Variants in IL6 observed in about 807,000 individuals in gnomAD.
IL6 encodes the protein interleukin 6.
In IL6, 5 loss-of-function variants were observed where a neutral mutation model predicts 18.0. The ratio of observed to expected loss-of-function variants is 0.28; its 90% CI spans 0.15 to 0.58. IL6 has a LOEUF of 0.58. IL6 is among the 20% of genes least tolerant of loss of function. The probability of loss-of-function intolerance (pLI) is 0.90; values close to 1 mark genes in which losing one functional copy is unlikely to be tolerated. For synonymous variants in IL6, 97 were observed against 95.1 expected (o/e 1.02, Z -0.12); for missense variants, 266 against 251.0 (o/e 1.06, Z -0.40).
rs1784103867 is a variant in IL6 at position 22,730,399 on chromosome 7, T to A, written c.471+739T>A. ...CGGGTGGGTTTGAGGGTCAAATTTCTACCAGGCTTATATCCCTGGTGATGC... is the reference window on the plus strand; with the variant it reads ...CGGGTGGGTTTGAGGGTCAAATTTCAACCAGGCTTATATCCCTGGTGATGC... On this transcript the variant is annotated intron_variant, in intron 4 of 4. Coordinates refer to ENST00000258743, the MANE Select transcript of IL6 (RefSeq NM_000600.5). 5 of 451,006 alleles carry A rather than the reference T, an allele frequency of 1.1e-5. No homozygotes were observed. In the South Asian group the frequency reaches 4.7e-4, roughly 42 times the overall value. 27.9% of individuals were successfully genotyped at this position (451,006 alleles called of 1,614,324 possible).
Position 22,731,734 on chromosome 7 carries a change from G to A in IL6, c.*161G>A, listed in dbSNP as rs943399314. 1.4e-5 allele frequency: 5 copies of A among 361,894 alleles called. No homozygotes were observed. The highest frequency in any genetic ancestry group is 2.4e-5 in the Non-Finnish European group (5 of 211,510). 22.4% of individuals were successfully genotyped at this position (361,894 alleles called of 1,614,324 possible). A position where few individuals can be genotyped will look rare whatever the true frequency, so the allele number is the denominator to read the frequency against. ...TTAATTTATTAATATTTAAATATGT[G>A]AAGCTGAGTTAATTTATGTAAGTCA... On this transcript the variant is annotated 3_prime_UTR_variant, in exon 5 of 5. Transcript: ENST00000258743.
In IL6 at chr7:22,727,703, C is replaced by T. The variant is rs2069831; in HGVS notation, c.210+69C>T. On this transcript the variant is annotated intron_variant, in intron 2 of 4. Transcript: ENST00000258743. ...CGTTCCCCTTGCCCCTGCGTGTGGC[C>T]GGGGGCTGCCTGCATTAGGAGGTCT... 1,296 of 1,499,086 alleles carry T rather than the reference C, an allele frequency of 8.6e-4. 13 individuals are homozygous for T. The African/African-American group carries it at 0.015, about 18-fold the overall frequency. The allele number at this position is 1,499,086 out of a possible 1,614,324, so 92.9% of individuals were successfully genotyped here.
Position 22,729,593 on chromosome 7 carries a change from G to A in IL6, c.404G>A (p.Ser135Asn), listed in dbSNP as rs1339344996. The change falls in exon 4 of 5, where the codon AGT becomes AAT. Residue 135 changes from serine to asparagine, a missense_variant. Physicochemically the swap from Ser to Asn is conservative, Grantham distance 46. Coordinates refer to ENST00000258743, the MANE Select transcript of IL6 (RefSeq NM_000600.5). The stretch of plus-strand genomic sequence containing the variant: ...GAGTACCTCCAGAACAGATTTGAGA[G>A]TAGTGAGGAACAAGCCAGAGCTGTG... ...YLEYLQNRFE[S>N]SEEQARAVQM... 1.2e-6 allele frequency: 2 copies of A among 1,614,042 alleles called. No homozygotes were observed. Among genetic ancestry groups the A allele is most frequent in the Admixed American group, 1.7e-5 (1 of 60,000 alleles).
At chr7:22,729,159 C>T (rs1291618074) in intron 3 of IL6, among the ~76,000 whole-genome samples, 2 of 152,080 alleles carry the variant, frequency 1.3e-5, no homozygotes, top group Non-Finnish European at 2.9e-5. Flanking sequence ...CCAGCTCATT[C>T]TCCACAGTGA....
intron 3 of IL6, 102 bp from the exon 4 acceptor site, chr7:22,729,412 A>G (rs1784080155): frequency 1.8e-6 from 2 of 1,106,370 alleles, no homozygotes; most frequent in Non-Finnish European, 2.7e-6. Flanking sequence ...GAAGTTCTCT[A>G]GAGGAGCAGA....
chr7:22,729,699 A>G (rs1343713541), intron 4 of IL6, 39 bp downstream of exon 4: 2 of 1,614,082 alleles, frequency 1.2e-6, no homozygotes, highest in Middle Eastern at 1.6e-4. Flanking sequence ...GTGTGGGGGA[A>G]GACAGGCTCA....
At chr7:22,727,696 G>C (rs1784040006) in intron 2 of IL6, 62 bp downstream of exon 2, 1 of 1,507,626 alleles carries the variant, frequency 6.6e-7, no homozygotes, top group African/African-American at 1.4e-5. Context: ...TTGCCCCTGC[G>C]TGTGGCCGGG....
At chr7:22,728,559 G>C in intron 2 of IL6, 134 bp from the exon 3 acceptor site, 1 of 632,092 alleles carries the variant, frequency 1.6e-6, no homozygotes, top group South Asian at 1.9e-5. Context: ...GAATTTGCTT[G>C]CCAGGATGCC....
intron 4 of IL6, chr7:22,730,313 T>C (rs1427629310): frequency 7.1e-6 from 7 of 983,184 alleles, no homozygotes; most frequent in Non-Finnish European, 7.2e-6. Flanking sequence ...TCTCATATGT[T>C]AACATGCATG....
intron 4 of IL6, 128 bp downstream of exon 4, chr7:22,729,788 A>G (rs1427530121): frequency 6.4e-7 from 1 of 1,555,658 alleles, no homozygotes; most frequent in Non-Finnish European, 8.7e-7. Context: ...AGAGTCTGAG[A>G]AATAGTTTCT....
At chr7:22,728,629 G>C (rs1784060753) in intron 2 of IL6, 64 bp from the exon 3 acceptor site, 1 of 889,044 alleles carries the variant, frequency 1.1e-6, no homozygotes. Context: ...ACAATGAAAA[G>C]GCCCTCTAGT....
intron 1 of IL6, 39 bp downstream of exon 1, chr7:22,727,320 G>A: frequency 6.2e-7 from 1 of 1,614,038 alleles, no homozygotes; most frequent in Non-Finnish European, 8.5e-7. Flanking sequence ...ACTGCCAGCG[G>A]CGGTCGAGCC....
chr7:22,731,399 C>T lies in IL6; in HGVS notation c.472-7C>T. On this transcript the variant is annotated splice_region_variant and splice_polypyrimidine_tract_variant and intron_variant, in intron 4 of 4. Coordinates refer to ENST00000258743, the MANE Select transcript of IL6 (RefSeq NM_000600.5). ...AAACAATCCTTTTTACTTTCATTTTCCTTCAGGCAAAGAATCTAGATGCAA... is the reference window on the plus strand; with the variant it reads ...AAACAATCCTTTTTACTTTCATTTTTCTTCAGGCAAAGAATCTAGATGCAA... 1 of 1,562,444 alleles carries T rather than the reference C, an allele frequency of 6.4e-7. No homozygotes were observed. Among genetic ancestry groups the T allele is most frequent in the Admixed American group, 1.8e-5 (1 of 54,262 alleles).
intron 2 of IL6, 55 bp downstream of exon 2, chr7:22,727,689 C>A: frequency 1.3e-6 from 2 of 1,515,940 alleles, no homozygotes; most frequent in African/African-American, 1.4e-5. Flanking sequence ...GTTCCCCTTG[C>A]CCCTGCGTGT....
rs1583432981 is a variant in IL6, at chr7:22,728,442, G to T, written c.211-251G>T. 6.4e-6 allele frequency: 3 copies of T among 465,402 alleles called. No individual in the cohort carries two copies. The East Asian group carries it at 1.0e-4, about 16-fold the overall frequency. The allele number at this position is 465,402 out of a possible 1,614,324, so 28.8% of individuals were successfully genotyped here. A position where few individuals can be genotyped will look rare whatever the true frequency, so the allele number is the denominator to read the frequency against. ...TGTGTCTAATCTTCAAAACAAATTT[G>T]CAAGGAAGGTTTTTGGAGATAAGGA... On this transcript the variant is annotated intron_variant, in intron 2 of 4. Transcript: ENST00000258743.
At chr7:22,729,833 G>A in intron 4 of IL6, 173 bp downstream of exon 4, 1 of 1,510,858 alleles carries the variant, frequency 6.6e-7, no homozygotes, top group South Asian at 1.3e-5. Flanking sequence ...TGTTTGTTTG[G>A]TTGGTTGGCT....
rs986803797 is a variant in IL6 at position 22,727,465 on chromosome 7, T to G, written c.41T>G (p.Phe14Cys). 6.2e-7 allele frequency: 1 copy of G among 1,614,038 alleles called. No individual in the cohort carries two copies. The highest frequency in any genetic ancestry group is 1.3e-5 in the African/African-American group (1 of 75,038). ...FSTSAFGPVAFSLGLLLVLPA... is the reference protein window; with the variant it reads ...FSTSAFGPVACSLGLLLVLPA... ...ACAGGCGCCTTCGGTCCAGTTGCCT[T>G]CTCCCTGGGGCTGCTCCTGGTGTTG... is the stretch of plus-strand genomic sequence containing the variant. The change falls in exon 2 of 5, where the codon TTC (phenylalanine) becomes TGC (cysteine). Residue 14 changes from phenylalanine to cysteine, a missense_variant. By Grantham distance (205) the Phe-to-Cys change is radical. Coordinates refer to ENST00000258743, the MANE Select transcript of IL6 (RefSeq NM_000600.5).
intron 4 of IL6, among the ~76,000 whole-genome samples, chr7:22,730,527 A>G (rs1000829843): frequency 6.6e-6 from 1 of 152,116 alleles, no homozygotes; most frequent in Non-Finnish European, 1.5e-5. Context: ...TCTTTACACC[A>G]CCGGATCAGT....
intron 3 of IL6, 41 bp from the exon 4 acceptor site, chr7:22,729,473 C>T (rs561309111): frequency 1.1e-5 from 17 of 1,588,086 alleles, no homozygotes; most frequent in Non-Finnish European, 1.4e-5. Context: ...TTGATTCTAT[C>T]TCCTGGCGAT....
Sources: gnomAD v4.1 joint callset for allele counts (sites outside exome capture counted in the v4.1 genomes callset) on GRCh38, gnomAD v4.1.1 for gene constraint, MANE v1.5 for transcripts, NCBI Gene and HGNC (gene_info 2026-07-23, HGNC 2026-07-21) for gene names.